Variants in KCNN2 observed in about 807,000 individuals in gnomAD.
The protein encoded by KCNN2 is potassium calcium-activated channel subfamily N member 2, also known as small conductance calcium-activated potassium channel protein 2.
A neutral mutation model predicts 55.5 loss-of-function variants in KCNN2; 24 were observed. That is an observed-to-expected ratio of 0.43 (90% confidence interval 0.31 to 0.61). KCNN2 has a LOEUF of 0.61. Among genes scored for constraint, KCNN2 ranks in the 20% least tolerant of loss-of-function variants. The pLI is 0.08. For synonymous variants in KCNN2, 431 were observed against 336.1 expected (o/e 1.28, Z -3.09); for missense variants, 754 against 853.6 (o/e 0.88, Z 1.45).
At chr5:114,256,155 A>G (rs1754979106) in intron 2 of KCNN2, among the ~76,000 whole-genome samples, 2 of 152,174 alleles carry the variant, frequency 1.3e-5, no homozygotes, top group East Asian at 3.9e-4. Context: ...AGTTCCATCC[A>G]TGTTGTTAAA....
At chr5:114,070,227 A>G (rs563245439) in intron 1 of KCNN2, among the ~76,000 whole-genome samples, 25 of 152,282 alleles carry the variant, frequency 1.6e-4, no homozygotes, top group Admixed American at 1.4e-3. Flanking sequence ...TTTCTCTGCC[A>G]GTCTTGCCAG....
At chr5:114,316,583 A>T (rs1434914269) in intron 2 of KCNN2, among the ~76,000 whole-genome samples, 1 of 152,142 alleles carries the variant, frequency 6.6e-6, no homozygotes, top group Non-Finnish European at 1.5e-5. Context: ...TTTCACTTTG[A>T]TCCTGTGTTA....
intron 2 of KCNN2, among the ~76,000 whole-genome samples, chr5:114,286,377 A>G (rs945384746): frequency 3.3e-5 from 5 of 152,176 alleles, no homozygotes; most frequent in Non-Finnish European, 7.3e-5. Context: ...AGCTTTTGAA[A>G]TCTGAATTTC....
chr5:114,233,630 C>G (rs930934350), intron 2 of KCNN2, among the ~76,000 whole-genome samples: 3 of 151,962 alleles, frequency 2.0e-5, no homozygotes, highest in Non-Finnish European at 4.4e-5. Context: ...TTGTTTTGCA[C>G]TTTTATTCTT....
At chr5:114,416,569 A>G (rs1159691535) in intron 3 of KCNN2, among the ~76,000 whole-genome samples, 5 of 152,280 alleles carry the variant, frequency 3.3e-5, no homozygotes, top group Non-Finnish European at 5.9e-5. Flanking sequence ...GGATGTGGCA[A>G]TTGATTTTGA....
At chr5:114,086,630 A>G (rs771742465) in intron 1 of KCNN2, among the ~76,000 whole-genome samples, 2 of 151,960 alleles carry the variant, frequency 1.3e-5, no homozygotes, top group Non-Finnish European at 2.9e-5. Context: ...TTTTTATGGC[A>G]GGTAGTATCC....
chr5:114,269,601 C>T (rs1040259095), intron 2 of KCNN2, among the ~76,000 whole-genome samples: 5 of 151,852 alleles, frequency 3.3e-5, no homozygotes, highest in Non-Finnish European at 7.4e-5. Context: ...CAAACAAACT[C>T]CAACTAGTTG....
intron 2 of KCNN2, among the ~76,000 whole-genome samples, chr5:114,267,912 TTCTC>T (rs1465536378): frequency 2.7e-4 from 41 of 152,152 alleles, no homozygotes; most frequent in Non-Finnish European, 2.5e-4. Context: ...AAACCAGTGT[TTCTC>T]TCTCTCCCCT....
At chr5:114,295,240 G>A (rs930848190) in intron 2 of KCNN2, among the ~76,000 whole-genome samples, 1 of 152,094 alleles carries the variant, frequency 6.6e-6, no homozygotes, top group Non-Finnish European at 1.5e-5. Context: ...TGTCAGACAG[G>A]GACATTTAAG....
chr5:114,090,922 T>C (rs1407408261), intron 1 of KCNN2, among the ~76,000 whole-genome samples: 1 of 152,078 alleles, frequency 6.6e-6, no homozygotes, highest in Non-Finnish European at 1.5e-5. Flanking sequence ...ACTGCAGCCT[T>C]GACTTCCAGG....
chr5:114,396,551 C>CTT (rs11293896), intron 2 of KCNN2, among the ~76,000 whole-genome samples: 4 of 140,440 alleles, frequency 2.8e-5, no homozygotes, highest in Non-Finnish European at 6.2e-5. Context: ...AATAGGTAGT[C>CTT]TTTTTTTTTT....
intron 1 of KCNN2, among the ~76,000 whole-genome samples, chr5:114,219,550 G>A (rs1236816725): frequency 2.6e-5 from 4 of 152,116 alleles, no homozygotes; most frequent in African/African-American, 9.7e-5. Context: ...CTGAAGTCAG[G>A]TTGCTTCTCT....
chr5:114,291,703 C>T (rs184127125), intron 2 of KCNN2, among the ~76,000 whole-genome samples: 3,701 of 152,258 alleles, frequency 0.024, 156 homozygotes, highest in African/African-American at 0.084. Context: ...TGGGTATATA[C>T]CCAGTAATGG....
intron 1 of KCNN2, among the ~76,000 whole-genome samples, chr5:114,122,257 G>A (rs1424532500): frequency 6.6e-6 from 1 of 152,142 alleles, no homozygotes; most frequent in Admixed American, 6.5e-5. Context: ...GGCATTGTGA[G>A]TAATAACAGC....
chr5:114,367,650 A>G (rs568721242), intron 2 of KCNN2, among the ~76,000 whole-genome samples: 4 of 143,414 alleles, frequency 2.8e-5, no homozygotes, highest in Admixed American at 7.0e-5. Context: ...TTTCAGTGAC[A>G]TTTTTTTTTT....
chr5:114,262,548 A>G lies in KCNN2; in HGVS notation c.-185+40983A>G, dbSNP rs370092497. 2.0e-5 allele frequency among the ~76,000 whole-genome samples: 3 copies of G among 152,314 alleles called. No individual in the cohort carries two copies. The East Asian group carries it at 5.8e-4, about 29-fold the overall frequency. ...CTCTGGTTTTGGCTAACTGAATGAT[A>G]TTGGGAAATTCATTCAGCTGTGCGG... On this transcript the variant is annotated intron_variant, in intron 2 of 10. Transcript: ENST00000512097.
At chr5:114,096,538 G>A (rs1384135611) in intron 1 of KCNN2, among the ~76,000 whole-genome samples, 2 of 151,994 alleles carry the variant, frequency 1.3e-5, no homozygotes, top group East Asian at 3.9e-4. Context: ...CTCCTCTCCT[G>A]TCTCTGTCAG....
chr5:114,491,681 C>A (rs972693408), intron 6 of KCNN2, among the ~76,000 whole-genome samples: 5 of 152,046 alleles, frequency 3.3e-5, no homozygotes, highest in African/African-American at 1.2e-4. Context: ...TCTAGAATAC[C>A]TCTGTTGGTA....
intron 2 of KCNN2, among the ~76,000 whole-genome samples, chr5:114,304,205 A>C (rs1756222598): frequency 6.6e-6 from 1 of 152,106 alleles, no homozygotes; most frequent in Non-Finnish European, 1.5e-5. Flanking sequence ...TAGCGGGCCA[A>C]CCCATCTGGG....
Sources: gnomAD v4.1 joint callset for allele counts (sites outside exome capture counted in the v4.1 genomes callset) on GRCh38, gnomAD v4.1.1 for gene constraint, MANE v1.5 for transcripts, NCBI Gene and HGNC (gene_info 2026-07-23, HGNC 2026-07-21) for gene names.